The following AK5 variants were observed in gnomAD, a reference collection of about 807,000 sequenced individuals.
The protein encoded by AK5 is adenylate kinase 5, also known as adenylate kinase isoenzyme 5.
A neutral mutation model predicts 69.5 loss-of-function variants in AK5; 27 were observed. That is an observed-to-expected ratio of 0.39 (90% CI 0.29 to 0.54). The LOEUF is 0.54. Among genes scored for constraint, AK5 ranks in the 20% least tolerant of loss-of-function variants. AK5 has a pLI of 0.71. For synonymous variants in AK5, 260 were observed against 244.4 expected, an observed-to-expected ratio of 1.06 and a Z score of -0.60; for missense variants, 531 against 700.4, an observed-to-expected ratio of 0.76 and a Z score of 2.73.
chr1:77,461,287 C>A (rs1653823003), intron 8 of AK5, among the ~76,000 whole-genome samples: 1 of 151,136 alleles, frequency 6.6e-6, no homozygotes, highest in African/African-American at 2.4e-5. Context: ...CCCACCTCGA[C>A]CTCCCAAAGT....
chr1:77,374,518 C>G (rs531981408), intron 6 of AK5, among the ~76,000 whole-genome samples: 1 of 142,774 alleles, frequency 7.0e-6, no homozygotes, highest in East Asian at 2.1e-4. Flanking sequence ...GTCTCTTCTT[C>G]TATAAGTACG....
intron 6 of AK5, among the ~76,000 whole-genome samples, chr1:77,341,958 G>A (rs1661677533): frequency 6.6e-6 from 1 of 152,126 alleles, no homozygotes; most frequent in African/African-American, 2.4e-5. Flanking sequence ...GAGTGCAATG[G>A]CGTGATCTCA....
At position 77,517,909 on chromosome 1, in the gene AK5, A is replaced by C. The variant is rs149352257; in HGVS notation, c.1148-655A>C. Among the ~76,000 whole-genome samples the C allele has an allele frequency of 4.2e-3, 637 of 152,264 alleles. 2 individuals are homozygous for C. The highest frequency in any genetic ancestry group is 0.015 in the African/African-American group (618 of 41,558). On this transcript the variant is annotated intron_variant, in intron 10 of 13. Transcript: ENST00000354567. ...TTGGGACAATTCAGTTGAAATTTGT[A>C]GGGGTCCAAGGATATCATTATGATG...
chr1:77,297,846 A>G lies in AK5; in HGVS notation c.598A>G (p.Thr200Ala), dbSNP rs1194208416. Residue 200 changes from threonine (T) to alanine (A), a missense_variant, in exon 5 of 14, where the codon ACA becomes GCA. Transcript: ENST00000354567. ...GELAPQETTI[T>A]EIKQKLMQIP... ...CTGTTTATAAAAGGAAACAACAATT[A>G]CAGAGATAAAACAAAAATTGATGCA... 1.2e-6 allele frequency: 2 copies of G among 1,610,724 alleles called. No individual in the cohort carries two copies. The highest frequency in any genetic ancestry group is 2.7e-5 in the African/African-American group (2 of 74,794).
chr1:77,475,481 A>C, intron 8 of AK5, among the ~76,000 whole-genome samples: 1 of 47,430 alleles, frequency 2.1e-5, no homozygotes, highest in African/African-American at 7.4e-5. Flanking sequence ...ATGTATATAT[A>C]TTATATATAT....
intron 8 of AK5, among the ~76,000 whole-genome samples, chr1:77,441,071 TAA>T (rs1652297443): frequency 6.6e-6 from 1 of 152,204 alleles, no homozygotes; most frequent in African/African-American, 2.4e-5. Flanking sequence ...TTCTGCTTGA[TAA>T]AGTCTGCTTT....
At position 77,558,454 on chromosome 1, in the gene AK5, TCTTCA is replaced by T. The variant is rs566965138; in HGVS notation, c.1621-144_1621-140del. 755 of 573,594 alleles carry T rather than the reference TCTTCA, an allele frequency of 1.3e-3. 12 individuals are homozygous for T. In the South Asian group the frequency reaches 0.016, roughly 12 times the overall value. 35.5% of individuals were successfully genotyped at this position (573,594 alleles called of 1,614,324 possible). Reference sequence around the variant, plus strand: ...TTGAGACACCTAGTTTTAAAACTACTCTTCACTTTTTTCTCTGTGTTTTGGGGGGG... The same window carrying T: ...TTGAGACACCTAGTTTTAAAACTACTCTTTTTTCTCTGTGTTTTGGGGGGG... On this transcript the variant is annotated intron_variant, in intron 13 of 13. Transcript: ENST00000354567.
chr1:77,368,488 C>T (rs72679564), intron 6 of AK5, among the ~76,000 whole-genome samples: 10,000 of 151,010 alleles, frequency 0.066, 499 homozygotes, highest in East Asian at 0.23. Context: ...GTCACTATCT[C>T]AGCCACCCGT....
chr1:77,439,218 C>T (rs541973402), intron 8 of AK5, among the ~76,000 whole-genome samples: 1 of 152,080 alleles, frequency 6.6e-6, no homozygotes. Flanking sequence ...CTGTAGTAAT[C>T]TATGTGCATA....
chr1:77,521,941 A>G lies in AK5; in HGVS notation c.1426A>G (p.Arg476Gly). The change falls in exon 12 of 14, where the codon AGG becomes GGG. Residue 476 changes from arginine (R) to glycine (G), a missense_variant and splice_region_variant. Physicochemically the swap from Arg to Gly is moderately radical, Grantham distance 125. Transcript: ENST00000354567. ...EVKQGEEFGR[R>G]IGDPQLVICM... ...GAAGCAAGGGGAAGAGTTCGGACGCAGGGTGAGTGGTTGTTACGGGCATCC... is the reference window on the plus strand; with the variant it reads ...GAAGCAAGGGGAAGAGTTCGGACGCGGGGTGAGTGGTTGTTACGGGCATCC... 5 of 1,601,804 alleles carry G rather than the reference A, an allele frequency of 3.1e-6. No homozygotes were observed. The highest frequency in any genetic ancestry group is 4.3e-6 in the Non-Finnish European group (5 of 1,174,600).
chr1:77,390,996 T>C (rs940605309), intron 6 of AK5, among the ~76,000 whole-genome samples: 8 of 152,274 alleles, frequency 5.3e-5, no homozygotes, highest in African/African-American at 1.9e-4. Context: ...AAAATTATTA[T>C]CAAAATAATC....
intron 5 of AK5, among the ~76,000 whole-genome samples, chr1:77,323,257 G>A (rs971007501): frequency 3.3e-5 from 5 of 152,148 alleles, no homozygotes; most frequent in Non-Finnish European, 7.4e-5. Context: ...CTCCCAAAGT[G>A]CTGGGATTAT....
chr1:77,483,661 C>T (rs1329069295), intron 9 of AK5, among the ~76,000 whole-genome samples: 1 of 152,212 alleles, frequency 6.6e-6, no homozygotes, highest in Non-Finnish European at 1.5e-5. Flanking sequence ...ACCAACTCCC[C>T]ACTGGAAGAT....
intron 8 of AK5, among the ~76,000 whole-genome samples, chr1:77,455,522 G>A (rs1010543535): frequency 3.3e-5 from 5 of 152,174 alleles, no homozygotes; most frequent in African/African-American, 1.2e-4. Context: ...GGCACAGCCA[G>A]AAGGCATCAT....
intron 13 of AK5, among the ~76,000 whole-genome samples, chr1:77,542,322 CAA>C: frequency 6.7e-6 from 1 of 149,640 alleles, no homozygotes; most frequent in Non-Finnish European, 1.5e-5. Context: ...GACTCGGTCT[CAA>C]AAAAAAAGAG....
chr1:77,530,886 G>T (rs576114280), intron 12 of AK5, among the ~76,000 whole-genome samples: 1 of 152,006 alleles, frequency 6.6e-6, no homozygotes, highest in Admixed American at 6.6e-5. Context: ...AGGGCAGGAG[G>T]GCAAACTTCT....
chr1:77,381,940 T>C (rs868213974), intron 6 of AK5, among the ~76,000 whole-genome samples: 1 of 152,202 alleles, frequency 6.6e-6, no homozygotes, highest in South Asian at 2.1e-4. Context: ...AATGCATTAT[T>C]GCTTGCCAGA....
intron 13 of AK5, among the ~76,000 whole-genome samples, chr1:77,544,844 C>T (rs1322994811): frequency 1.3e-5 from 2 of 152,132 alleles, no homozygotes; most frequent in African/African-American, 4.8e-5. Context: ...AATACATAAA[C>T]CAGAAACATA....
At chr1:77,328,674 A>G (rs921192940) in intron 5 of AK5, among the ~76,000 whole-genome samples, 2 of 152,180 alleles carry the variant, frequency 1.3e-5, no homozygotes, top group African/African-American at 2.4e-5. Context: ...TCCACTAACG[A>G]TATACTCTGT....
Sources: gnomAD v4.1 joint callset for allele counts (sites outside exome capture counted in the v4.1 genomes callset) on GRCh38, gnomAD v4.1.1 for gene constraint, MANE v1.5 for transcripts, NCBI Gene and HGNC (gene_info 2026-07-23, HGNC 2026-07-21) for gene names.